FOXP1: variants seen among roughly 807,000 people sequenced by gnomAD.
FOXP1 encodes the protein forkhead box P1.
In FOXP1, 15 loss-of-function variants were observed where a neutral mutation model predicts 98.2. The ratio of observed to expected loss-of-function variants is 0.15; its 90% CI spans 0.10 to 0.24. The LOEUF is 0.24. Ranked by LOEUF, FOXP1 falls within the 10% of genes least tolerant of loss-of-function variation. The pLI is 1.00. For synonymous variants in FOXP1, 371 were observed against 314.5 expected, an observed-to-expected ratio of 1.18 and a Z score of -1.90; for missense variants, 633 against 848.5, an observed-to-expected ratio of 0.75 and a Z score of 3.15.
intron 2 of FOXP1, among the ~76,000 whole-genome samples, chr3:71,516,605 G>A (rs1043914336): frequency 1.3e-5 from 2 of 152,096 alleles, no homozygotes; most frequent in African/African-American, 4.8e-5. Context: ...TAGCACTTTG[G>A]GAGGCCAAGG....
intron 2 of FOXP1, among the ~76,000 whole-genome samples, chr3:71,502,327 G>A (rs1577883754): frequency 6.6e-6 from 1 of 152,212 alleles, no homozygotes; most frequent in Admixed American, 6.5e-5. Flanking sequence ...AGTGAACAGA[G>A]AGCTGGCTGC....
At chr3:70,990,479 T>A (rs62257219) in intron 13 of FOXP1, among the ~76,000 whole-genome samples, 4,770 of 151,700 alleles carry the variant, frequency 0.031, 93 homozygotes, top group Non-Finnish European at 0.047. Context: ...CCATCAATTT[T>A]CACGGCATCC....
At chr3:71,022,614 G>A (rs957668979) in intron 11 of FOXP1, among the ~76,000 whole-genome samples, 1 of 152,092 alleles carries the variant, frequency 6.6e-6, no homozygotes, top group African/African-American at 2.4e-5. Flanking sequence ...TTTTACTGAG[G>A]GCCAGCACTA....
Position 71,198,399 on chromosome 3 carries a change from C to T in FOXP1, c.-11-7G>A, listed in dbSNP as rs1222067314. On this transcript the variant is annotated splice_polypyrimidine_tract_variant and splice_region_variant and intron_variant, in intron 5 of 20. Transcript: ENST00000649528. Reference sequence around the variant, plus strand: ...TGCATCATGACTCAAAAACCTGATACAAGGATTTCCAAGATGGGGGGAGGG... The same window carrying T: ...TGCATCATGACTCAAAAACCTGATATAAGGATTTCCAAGATGGGGGGAGGG... The T allele has an allele frequency of 2.7e-6, 4 of 1,473,856 alleles. No homozygotes were observed. The Admixed American group carries it at 5.9e-5, about 22-fold the overall frequency. 91.3% of individuals were successfully genotyped at this position (1,473,856 alleles called of 1,614,324 possible).
intron 3 of FOXP1, among the ~76,000 whole-genome samples, chr3:71,412,403 C>T (rs975100473): frequency 6.6e-6 from 1 of 152,140 alleles, no homozygotes; most frequent in Non-Finnish European, 1.5e-5. Context: ...ATGATCTCAT[C>T]GACTGGGCCC....
Position 71,440,407 on chromosome 3 carries a change from G to C in FOXP1, c.-168+53019C>G, listed in dbSNP as rs138264556. On this transcript the variant is annotated intron_variant, in intron 3 of 20. Coordinates refer to ENST00000649528, the MANE Select transcript of FOXP1 (RefSeq NM_001349338.3). ...AAAGTGAGACACCGTGCCGGGCGCGGTGGCTCACGCCTGTAATCCTAGCAT... is the reference window on the plus strand; with the variant it reads ...AAAGTGAGACACCGTGCCGGGCGCGCTGGCTCACGCCTGTAATCCTAGCAT... Among the ~76,000 whole-genome samples, 373 of 152,040 alleles carry C rather than the reference G, an allele frequency of 2.5e-3. 1 individual carries two copies. The highest frequency in any genetic ancestry group is 4.0e-3 in the Admixed American group (61 of 15,276).
At position 71,228,032 on chromosome 3, in the gene FOXP1, G is replaced by T. The variant is rs1404849244; in HGVS notation, c.-11-29640C>A. Reference sequence around the variant, plus strand: ...ATGGTGGGGCGGGTGGGGGGCGGGGGAGGTGTCCAGAAACCTCTTTGCAGA... The same window carrying T: ...ATGGTGGGGCGGGTGGGGGGCGGGGTAGGTGTCCAGAAACCTCTTTGCAGA... On this transcript the variant is annotated intron_variant, in intron 5 of 20. Transcript: ENST00000649528. Among the ~76,000 whole-genome samples, 4 of 135,270 alleles carry T rather than the reference G, an allele frequency of 3.0e-5. No individual in the cohort carries two copies. The East Asian group carries it at 1.1e-3, about 36-fold the overall frequency. 88.7% of individuals were successfully genotyped at this position (135,270 alleles called of 152,430 possible).
At position 70,959,113 on chromosome 3, in the gene FOXP1, A is replaced by T. The variant is rs1000002497; in HGVS notation, c.*134T>A. The T allele has an allele frequency of 1.0e-6, 1 of 992,638 alleles. No individual in the cohort carries two copies. The highest frequency in any genetic ancestry group is 1.6e-6 in the Non-Finnish European group (1 of 643,816). 61.5% of individuals were successfully genotyped at this position (992,638 alleles called of 1,614,324 possible). On this transcript the variant is annotated 3_prime_UTR_variant, in exon 21 of 21. Coordinates refer to ENST00000649528, the MANE Select transcript of FOXP1 (RefSeq NM_001349338.3). ...ATGGCACTAAGAGTTAACACATTTC[A>T]GAGTTGTCAAAACGTAGTGAAAATC...
intron 7 of FOXP1, among the ~76,000 whole-genome samples, chr3:71,088,400 GTTTTTTT>G (rs539363748): frequency 7.1e-6 from 1 of 140,920 alleles, no homozygotes; most frequent in South Asian, 2.2e-4. Flanking sequence ...TTTGTTTTTT[GTTTTTTT>G]TTTTTTGGCT....
intron 3 of FOXP1, among the ~76,000 whole-genome samples, chr3:71,407,015 T>A (rs1470746804): frequency 6.6e-6 from 1 of 152,134 alleles, no homozygotes; most frequent in Non-Finnish European, 1.5e-5. Context: ...TCAGATATGC[T>A]ATCATGTTCA....
intron 4 of FOXP1, among the ~76,000 whole-genome samples, chr3:71,301,625 G>A (rs2073852219): frequency 6.6e-6 from 1 of 152,042 alleles, no homozygotes; most frequent in Non-Finnish European, 1.5e-5. Context: ...TGCATGTTTG[G>A]CAGTCAGACC....
intron 5 of FOXP1, among the ~76,000 whole-genome samples, chr3:71,199,546 G>C (rs547970014): frequency 6.6e-6 from 1 of 150,464 alleles, no homozygotes; most frequent in Non-Finnish European, 1.5e-5. Context: ...GGCCAACATG[G>C]TGAAACCCTG....
chr3:71,556,044 G>T (rs962792715), intron 2 of FOXP1, among the ~76,000 whole-genome samples: 9 of 152,054 alleles, frequency 5.9e-5, no homozygotes, highest in African/African-American at 2.2e-4. Context: ...TAAATGAAAG[G>T]AAGGAAAACA....
At chr3:71,424,112 A>T (rs1038851728) in intron 3 of FOXP1, among the ~76,000 whole-genome samples, 1 of 152,154 alleles carries the variant, frequency 6.6e-6, no homozygotes, top group African/African-American at 2.4e-5. Context: ...TTCTAATGCT[A>T]ACATTTCTGC....
intron 6 of FOXP1, among the ~76,000 whole-genome samples, chr3:71,133,420 T>G (rs953464145): frequency 1.3e-5 from 2 of 152,184 alleles, no homozygotes; most frequent in Admixed American, 6.5e-5. Flanking sequence ...CTCTTCCTCC[T>G]CTCCCTTTCA....
chr3:71,049,641 G>C (rs1257618326), intron 9 of FOXP1, among the ~76,000 whole-genome samples: 1 of 152,066 alleles, frequency 6.6e-6, no homozygotes, highest in African/African-American at 2.4e-5. Context: ...GGAAAAAAAG[G>C]GGGTGGGGGG....
chr3:71,139,171 T>C (rs2059953031), intron 6 of FOXP1, among the ~76,000 whole-genome samples: 1 of 152,142 alleles, frequency 6.6e-6, no homozygotes, highest in African/African-American at 2.4e-5. Context: ...TACATAGAGA[T>C]ACGGAGCCAG....
intron 2 of FOXP1, among the ~76,000 whole-genome samples, chr3:71,510,822 C>T (rs2042152962): frequency 1.3e-5 from 2 of 152,178 alleles, no homozygotes; most frequent in South Asian, 2.1e-4. Flanking sequence ...TAAATCAAAG[C>T]TGAAGGTCAT....
intron 6 of FOXP1, among the ~76,000 whole-genome samples, chr3:71,177,946 T>C (rs908588534): frequency 1.3e-5 from 2 of 149,434 alleles, no homozygotes; most frequent in Non-Finnish European, 1.5e-5. Context: ...GGCTCACCTT[T>C]CATCTCAGCC....
Sources: allele counts gnomAD v4.1 joint callset (sites outside exome capture counted in the v4.1 genomes callset), GRCh38; gene constraint gnomAD v4.1.1; transcripts MANE v1.5; gene names NCBI Gene and HGNC (gene_info 2026-07-23, HGNC 2026-07-21).